The following TNRC18 variants were observed in gnomAD, a reference collection of about 807,000 sequenced individuals.
The protein encoded by TNRC18 is trinucleotide repeat containing 18.
Under a neutral mutation model 226.7 loss-of-function variants are expected in TNRC18, and 69 were observed. The ratio of observed to expected loss-of-function variants is 0.30; its 90% CI spans 0.25 to 0.37. The LOEUF (loss-of-function observed/expected upper bound fraction) is 0.37, where lower values mean the gene tolerates loss of function less well. Ranked by LOEUF, TNRC18 falls within the 10% of genes least tolerant of loss-of-function variation. The probability of loss-of-function intolerance (pLI) is 1.00; values close to 1 mark genes in which losing one functional copy is unlikely to be tolerated. For synonymous variants in TNRC18, 2,449 were observed against 1,927.6 expected (o/e 1.27, Z -7.09); for missense variants, 4,754 against 4,256.6 (o/e 1.12, Z -3.25).
In TNRC18 at chr7:5,421,498, G is replaced by C. The variant is rs1330662470; in HGVS notation, c.-243-9C>G. 1 of 151,642 alleles carries C rather than the reference G, an allele frequency of 6.6e-6. No homozygotes were observed. Among genetic ancestry groups the C allele is most frequent in the Admixed American group, 6.6e-5 (1 of 15,186 alleles). The allele number at this position is 151,642 out of a possible 1,614,324, so 9.4% of individuals were successfully genotyped here. Reference sequence around the variant, plus strand: ...GGCGGCGCACACGGCGTCTTGGCGGGGAGGAGACAGGCCGCGGAAGAAATA... The same window carrying C: ...GGCGGCGCACACGGCGTCTTGGCGGCGAGGAGACAGGCCGCGGAAGAAATA... On this transcript the variant is annotated splice_polypyrimidine_tract_variant and intron_variant, in intron 1 of 29. Coordinates refer to ENST00000430969, the MANE Select transcript of TNRC18 (RefSeq NM_001080495.3).
intron 2 of TNRC18, among the ~76,000 whole-genome samples, chr7:5,418,599 C>G (rs1782337688): frequency 6.6e-6 from 1 of 152,216 alleles, no homozygotes; most frequent in African/African-American, 2.4e-5. Context: ...CTCTCCCTAG[C>G]TGGGTGACCC....
intron 2 of TNRC18, among the ~76,000 whole-genome samples, chr7:5,418,904 C>A (rs1313310275): frequency 6.6e-6 from 1 of 152,182 alleles, no homozygotes; most frequent in East Asian, 1.9e-4. Context: ...GCCTGGGGTC[C>A]GAGGTCTCCT....
chr7:5,389,281 G>A lies in TNRC18; in HGVS notation c.543C>T (p.Pro181=), dbSNP rs761711481. The change falls in exon 5 of 30, where the codon CCC becomes CCT. Residue 181 remains proline (P), a synonymous_variant. Coordinates refer to ENST00000430969, the MANE Select transcript of TNRC18 (RefSeq NM_001080495.3). ...GAPGSLHSHA[P]SARTPGGGHS... Reference sequence around the variant, plus strand: ...GGCCGCCGCCAGGGGTCCGGGCCGAGGGCGCGTGAGAGTGCAGGGAGCCCG... The same window carrying A: ...GGCCGCCGCCAGGGGTCCGGGCCGAAGGCGCGTGAGAGTGCAGGGAGCCCG... The A allele has an allele frequency of 3.1e-6, 4 of 1,290,036 alleles. No individual in the cohort carries two copies. Among genetic ancestry groups the A allele is most frequent in the South Asian group, 4.9e-5 (2 of 40,738 alleles). 79.9% of individuals were successfully genotyped at this position (1,290,036 alleles called of 1,614,324 possible).
chr7:5,413,880 GA>G (rs2128220560), intron 2 of TNRC18, among the ~76,000 whole-genome samples: 1 of 152,184 alleles, frequency 6.6e-6, no homozygotes, highest in South Asian at 2.1e-4. Flanking sequence ...CCAATTCAGA[GA>G]AAAGTTTGAA....
chr7:5,361,688 G>C lies in TNRC18; in HGVS notation c.4567C>G (p.Arg1523Gly). The C allele has an allele frequency of 6.4e-7, 1 of 1,566,454 alleles. No individual in the cohort carries two copies. Among genetic ancestry groups the C allele is most frequent in the South Asian group, 1.2e-5 (1 of 85,198 alleles). ...RREEPHRSLARRGPGRPRKRT... is the reference protein window; with the variant it reads ...RREEPHRSLAGRGPGRPRKRT... The stretch of plus-strand genomic sequence containing the variant: ...TTCCGCGGCCTGCCAGGGCCTCTGC[G>C]TGCCAAGCTTCTATGGGGTTCCTCG... The change falls in exon 14 of 30, where the codon CGC becomes GGC. Residue 1523 changes from arginine (R) to glycine (G), a missense_variant. Coordinates refer to ENST00000430969, the MANE Select transcript of TNRC18 (RefSeq NM_001080495.3).
rs907977257 is a variant in TNRC18 at position 5,359,670 on chromosome 7, G to T, written c.4662-101C>A. ...TGAAGGGTTGGGCTCTGGACCCTGA[G>T]CGTGGACAGTGATGGCAGAGTGACG... is the stretch of plus-strand genomic sequence containing the variant. On this transcript the variant is annotated intron_variant, in intron 14 of 29. Coordinates refer to ENST00000430969, the MANE Select transcript of TNRC18 (RefSeq NM_001080495.3). The T allele has an allele frequency of 2.3e-5, 31 of 1,361,050 alleles. No homozygotes were observed. The African/African-American group carries it at 4.0e-4, about 18-fold the overall frequency. The allele number at this position is 1,361,050 out of a possible 1,614,324, so 84.3% of individuals were successfully genotyped here.
intron 2 of TNRC18, among the ~76,000 whole-genome samples, chr7:5,399,014 G>A (rs1012455682): frequency 6.6e-6 from 1 of 152,130 alleles, no homozygotes; most frequent in African/African-American, 2.4e-5. Context: ...ACTCACAAAA[G>A]AGGCTCTAAA....
chr7:5,328,830 A>G (rs998995900), intron 19 of TNRC18, among the ~76,000 whole-genome samples: 3 of 151,968 alleles, frequency 2.0e-5, no homozygotes, highest in African/African-American at 7.2e-5. Context: ...TCTCTTATTA[A>G]AAGAAAAATT....
intron 5 of TNRC18, 140 bp downstream of exon 5, chr7:5,387,532 A>C: frequency 4.0e-6 from 5 of 1,238,224 alleles, no homozygotes; most frequent in Non-Finnish European, 5.6e-6. Flanking sequence ...TGCTCGCAAC[A>C]GAACATTCAA....
chr7:5,334,297 CT>C (rs36114662), intron 18 of TNRC18, among the ~76,000 whole-genome samples: 76,895 of 147,668 alleles, frequency 0.52, 20,658 homozygotes, highest in East Asian at 0.73. Context: ...TATTAATTAA[CT>C]TTTTTTTTTT....
intron 18 of TNRC18, among the ~76,000 whole-genome samples, chr7:5,336,643 G>A (rs894833427): frequency 1.3e-5 from 2 of 152,182 alleles, no homozygotes; most frequent in African/African-American, 4.8e-5. Context: ...TCAGGAGGCA[G>A]AGGTGGGAGG....
intron 21 of TNRC18, among the ~76,000 whole-genome samples, chr7:5,321,882 G>A (rs540909904): frequency 1.3e-5 from 2 of 151,950 alleles, no homozygotes; most frequent in Admixed American, 1.3e-4. Context: ...ATGTTGGCCA[G>A]GCTGATCCCG....
rs1016430643 is a variant in TNRC18, at chr7:5,367,514, G to A, written c.4219+2861C>T. 4.1e-4 allele frequency among the ~76,000 whole-genome samples: 61 copies of A among 150,592 alleles called. 1 individual carries two copies. Among genetic ancestry groups the A allele is most frequent in the Admixed American group, 3.3e-3 (50 of 15,154 alleles). ...ACCATCTCGGCTCACTGCAACCTCC[G>A]CCTCCCAGGTTCAAGTGATTTTCCT... On this transcript the variant is annotated intron_variant, in intron 11 of 29. Coordinates refer to ENST00000430969, the MANE Select transcript of TNRC18 (RefSeq NM_001080495.3).
At chr7:5,352,220 G>C (rs1304549482) in intron 16 of TNRC18, 126 bp from the exon 17 acceptor site, 3 of 980,912 alleles carry the variant, frequency 3.1e-6, no homozygotes, top group Middle Eastern at 3.3e-4. Context: ...CGAATACCTA[G>C]TAGGCGGCCG....
intron 17 of TNRC18, among the ~76,000 whole-genome samples, chr7:5,347,816 G>A (rs186363963): frequency 6.6e-6 from 1 of 152,154 alleles, no homozygotes; most frequent in African/African-American, 2.4e-5. Flanking sequence ...TTAACCGGGT[G>A]CAGTGGCGGA....
rs767965570 is a variant in TNRC18, at chr7:5,312,791, G to A, written c.8100C>T (p.Pro2700=). 4.6e-6 allele frequency: 7 copies of A among 1,533,294 alleles called. No individual in the cohort carries two copies. Among genetic ancestry groups the A allele is most frequent in the Non-Finnish European group, 6.1e-6 (7 of 1,144,634 alleles). 95.0% of individuals were successfully genotyped at this position (1,533,294 alleles called of 1,614,324 possible). A position where few individuals can be genotyped will look rare whatever the true frequency, so the allele number is the denominator to read the frequency against. Residue 2700 remains proline, a synonymous_variant, in exon 27 of 30, where the codon CCC becomes CCT. Transcript: ENST00000430969. This position sits in a 1 kb window ranked among gnomAD's most constrained non-coding sequence, Gnocchi z 6.3. ...TGCCGGCCTGCTTGGTGGCCTTGGT[G>A]GGGAGCGCCGCCTGCGCGGAAGGGC... The part of the protein sequence containing the change: ...TAGPSAQAAL[P]TKATKQAGKA...
chr7:5,414,574 G>A (rs1020728544), intron 2 of TNRC18, among the ~76,000 whole-genome samples: 30 of 151,814 alleles, frequency 2.0e-4, no homozygotes, highest in Middle Eastern at 3.2e-3. Flanking sequence ...CACCACGCCC[G>A]GCTATTTTTT....
At chr7:5,408,654 GAAAA>G (rs960733898) in intron 2 of TNRC18, among the ~76,000 whole-genome samples, 2 of 150,822 alleles carry the variant, frequency 1.3e-5, no homozygotes, top group Non-Finnish European at 3.0e-5. Context: ...AAAACAGAAA[GAAAA>G]AAAAACCATT....
intron 2 of TNRC18, among the ~76,000 whole-genome samples, chr7:5,396,764 A>T (rs1197988750): frequency 6.6e-6 from 1 of 152,000 alleles, no homozygotes; most frequent in Non-Finnish European, 1.5e-5. Flanking sequence ...GGGGGCATGG[A>T]TAAGTTATGT....
Sources: allele counts gnomAD v4.1 joint callset (sites outside exome capture counted in the v4.1 genomes callset), GRCh38; gene constraint gnomAD v4.1.1; non-coding constraint Gnocchi (gnomAD v3.1); transcripts MANE v1.5; gene names NCBI Gene and HGNC (gene_info 2026-07-23, HGNC 2026-07-21).